The following DNAH7 variants were observed in gnomAD, a reference collection of about 807,000 sequenced individuals.
The protein encoded by DNAH7 is dynein axonemal heavy chain 7.
Under a neutral mutation model 444.6 loss-of-function variants are expected in DNAH7, and 397 were observed. The ratio of observed to expected loss-of-function variants is 0.89; its 90% CI spans 0.82 to 0.97. DNAH7 has a LOEUF of 0.97. Among genes scored for constraint, DNAH7 ranks in the 50% least tolerant of loss-of-function variants. The pLI is 0.00. For missense variants in DNAH7, 4,902 were observed against 4,800.8 expected (o/e 1.02, Z -0.62); for synonymous variants, 1,636 against 1,624.4 (o/e 1.01, Z -0.17).
chr2:195,967,855 C>T (rs866013926), intron 17 of DNAH7, among the ~76,000 whole-genome samples: 16 of 152,284 alleles, frequency 1.1e-4, no homozygotes, highest in Admixed American at 4.6e-4. Flanking sequence ...TGTTCTATAA[C>T]CTTGTACTTG....
chr2:195,929,730 G>A (rs1351775227), intron 21 of DNAH7, among the ~76,000 whole-genome samples: 1 of 152,148 alleles, frequency 6.6e-6, no homozygotes, highest in Non-Finnish European at 1.5e-5. Context: ...ACTCAAGATG[G>A]ATTAATATTT....
rs35075325 is a variant in DNAH7 at position 195,846,949 on chromosome 2, A to ATGTGTGTGTGTGTGTGTGTGTGTG, written c.8782-1808_8782-1785dup. On this transcript the variant is annotated intron_variant, in intron 46 of 64. Coordinates refer to ENST00000312428, the MANE Select transcript of DNAH7 (RefSeq NM_018897.3). ...AATACTACGTAATAAACTCCCATAT[A>ATGTGTGTGTGTGTGTGTGTGTGTG]TGTGTGTGTGTGTGTGTGTGTGTGT... 7.9e-4 allele frequency among the ~76,000 whole-genome samples: 109 copies of ATGTGTGTGTGTGTGTGTGTGTGTG among 137,212 alleles called. 1 individual carries two copies. Among genetic ancestry groups the ATGTGTGTGTGTGTGTGTGTGTGTG allele is most frequent in the African/African-American group, 3.0e-3 (107 of 35,270 alleles). 90.0% of individuals were successfully genotyped at this position (137,212 alleles called of 152,430 possible). A position where few individuals can be genotyped will look rare whatever the true frequency, so the allele number is the denominator to read the frequency against.
intron 41 of DNAH7, among the ~76,000 whole-genome samples, chr2:195,863,709 T>C (rs1328415700): frequency 6.6e-6 from 1 of 152,182 alleles, no homozygotes; most frequent in South Asian, 2.1e-4. Flanking sequence ...GGCAGTCTTA[T>C]ATCCACAGCT....
chr2:196,040,249 C>T lies in DNAH7; in HGVS notation c.398+7103G>A, dbSNP rs561028399. ...GGTAAGCATTACCTTGATACCAAAACCAGATACAGATACAACAAAAGGAGA... is the reference window on the plus strand; with the variant it reads ...GGTAAGCATTACCTTGATACCAAAATCAGATACAGATACAACAAAAGGAGA... On this transcript the variant is annotated intron_variant, in intron 5 of 64. Transcript: ENST00000312428. Among the ~76,000 whole-genome samples the T allele has an allele frequency of 8.5e-4, 129 of 152,198 alleles. 1 individual carries two copies. The highest frequency in any genetic ancestry group is 2.9e-3 in the African/African-American group (121 of 41,536).
chr2:195,956,195 T>C (rs1690641018), intron 19 of DNAH7, among the ~76,000 whole-genome samples: 1 of 152,194 alleles, frequency 6.6e-6, no homozygotes, highest in Non-Finnish European at 1.5e-5. Context: ...CATATTTCTA[T>C]TTCAGGGTAA....
intron 21 of DNAH7, among the ~76,000 whole-genome samples, chr2:195,930,504 T>C (rs1050252566): frequency 5.3e-5 from 8 of 152,236 alleles, no homozygotes; most frequent in Non-Finnish European, 8.8e-5. Context: ...AGAATGGCTA[T>C]TACTAAAAAG....
intron 46 of DNAH7, among the ~76,000 whole-genome samples, chr2:195,852,901 CACACACACACACACAGAG>C (rs1361915844): frequency 8.1e-6 from 1 of 123,460 alleles, no homozygotes; most frequent in Non-Finnish European, 1.7e-5. Context: ...TACACACACA[CACACACACACACACAGAG>C]AGAGAGAGAG....
intron 30 of DNAH7, chr2:195,893,483 T>C (rs1702134595): frequency 6.6e-6 from 1 of 152,350 alleles, no homozygotes; most frequent in Non-Finnish European, 1.5e-5. Context: ...TCCGCCCGCC[T>C]CAGCCTCCCA....
intron 12 of DNAH7, among the ~76,000 whole-genome samples, chr2:195,990,495 T>A (rs1693224461): frequency 6.6e-6 from 1 of 151,970 alleles, no homozygotes; most frequent in Non-Finnish European, 1.5e-5. Flanking sequence ...AAACCCCATC[T>A]CTACAAAAAA....
At chr2:195,909,757 T>C (rs1217313315) in intron 25 of DNAH7, among the ~76,000 whole-genome samples, 1 of 152,166 alleles carries the variant, frequency 6.6e-6, no homozygotes, top group Admixed American at 6.5e-5. Context: ...CTCAAACTCT[T>C]ATCTGCTCCA....
At chr2:195,969,306 C>A (rs753647363) in intron 17 of DNAH7, among the ~76,000 whole-genome samples, 8 of 152,096 alleles carry the variant, frequency 5.3e-5, no homozygotes, top group South Asian at 4.2e-4. Context: ...AAAACAATTA[C>A]CTGAACTAAT....
chr2:195,741,611 G>A (rs967925906), intron 63 of DNAH7, among the ~76,000 whole-genome samples: 7 of 152,208 alleles, frequency 4.6e-5, no homozygotes, highest in African/African-American at 1.7e-4. Flanking sequence ...GTGTGACCTT[G>A]AGCAATTAAT....
At chr2:195,839,846 T>A (rs1698577322) in intron 47 of DNAH7, among the ~76,000 whole-genome samples, 1 of 151,820 alleles carries the variant, frequency 6.6e-6, no homozygotes, top group Admixed American at 6.6e-5. Flanking sequence ...GACCTGTTAC[T>A]ATTTCAAAAA....
chr2:195,766,705 C>G (rs1694603482), intron 61 of DNAH7, among the ~76,000 whole-genome samples: 1 of 152,064 alleles, frequency 6.6e-6, no homozygotes, highest in African/African-American at 2.4e-5. Flanking sequence ...TTGTTTGTAA[C>G]ACAAAGGATC....
At chr2:195,859,676 G>A (rs1272979080) in intron 42 of DNAH7, among the ~76,000 whole-genome samples, 1 of 152,190 alleles carries the variant, frequency 6.6e-6, no homozygotes, top group Non-Finnish European at 1.5e-5. Flanking sequence ...AAATTCATAA[G>A]TGAGAGCATG....
intron 3 of DNAH7, 46 bp from the exon 4 acceptor site, chr2:196,048,450 A>T (rs760183375): frequency 6.4e-7 from 1 of 1,552,222 alleles, no homozygotes; most frequent in South Asian, 1.1e-5. Context: ...TATCAGAAAA[A>T]AACCTTTTTC....
intron 21 of DNAH7, among the ~76,000 whole-genome samples, chr2:195,933,550 T>A (rs7581363): frequency 6.6e-6 from 1 of 151,920 alleles, no homozygotes; most frequent in Non-Finnish European, 1.5e-5. Flanking sequence ...ACATATACAC[T>A]ATGGAATACT....
At chr2:195,889,841 G>A (rs1289908813) in intron 31 of DNAH7, among the ~76,000 whole-genome samples, 1 of 152,014 alleles carries the variant, frequency 6.6e-6, no homozygotes, top group African/African-American at 2.4e-5. Flanking sequence ...CACTTGGGCT[G>A]AACTCTTTCC....
intron 51 of DNAH7, among the ~76,000 whole-genome samples, chr2:195,810,109 TG>T (rs972384471): frequency 3.3e-5 from 5 of 151,966 alleles, no homozygotes; most frequent in Admixed American, 3.3e-4. Flanking sequence ...ATCTTCCTCT[TG>T]GAAAAAAGTT....
Sources: gnomAD v4.1 joint callset for allele counts (sites outside exome capture counted in the v4.1 genomes callset) on GRCh38, gnomAD v4.1.1 for gene constraint, MANE v1.5 for transcripts, NCBI Gene and HGNC (gene_info 2026-07-23, HGNC 2026-07-21) for gene names.